The following ADGRV1 variants were observed in gnomAD, a reference collection of about 807,000 sequenced individuals.
The protein encoded by ADGRV1 is G-protein coupled receptor 98.
ADGRV1 carries 359 observed loss-of-function variants against 596.2 expected under a neutral mutation model. The observed-to-expected ratio is 0.60, with a 90% confidence interval of 0.55 to 0.66. The LOEUF (loss-of-function observed/expected upper bound fraction) is 0.66. Ranked by LOEUF, ADGRV1 falls within the 30% of genes least tolerant of loss-of-function variation. The pLI, the probability that ADGRV1 is intolerant of heterozygous loss-of-function variation, is 0.00. For missense variants in ADGRV1, 7,274 were observed against 7,575.6 expected (o/e 0.96, Z 1.48); for synonymous variants, 2,681 against 2,679.2 (o/e 1.00, Z -0.02).
chr5:90,822,462 G>A (rs978248884), intron 75 of ADGRV1, among the ~76,000 whole-genome samples: 1 of 152,052 alleles, frequency 6.6e-6, no homozygotes, highest in Non-Finnish European at 1.5e-5. Context: ...TATTTCTGAG[G>A]GCTCTGTTCT....
rs1765993156 is a variant in ADGRV1 at position 90,635,042 on chromosome 5, T to C, written c.1840-72T>C. 4.3e-6 allele frequency: 4 copies of C among 920,254 alleles called. 1 individual carries two copies. The East Asian group carries it at 1.1e-4, about 24-fold the overall frequency. 57.0% of individuals were successfully genotyped at this position (920,254 alleles called of 1,614,324 possible). On this transcript the variant is annotated intron_variant, in intron 9 of 89. Coordinates refer to ENST00000405460, the MANE Select transcript of ADGRV1 (RefSeq NM_032119.4). ...TACCTACGCTTACTTTGTCACCCCATGCTGTTAAGCTTTTTTAAAAAATTT... is the reference window on the plus strand; with the variant it reads ...TACCTACGCTTACTTTGTCACCCCACGCTGTTAAGCTTTTTTAAAAAATTT...
At chr5:90,950,261 G>A (rs1471850695) in intron 83 of ADGRV1, among the ~76,000 whole-genome samples, 2 of 152,114 alleles carry the variant, frequency 1.3e-5, no homozygotes, top group Admixed American at 1.3e-4. Context: ...CTGTGGAGAG[G>A]AAGTATTCCA....
intron 87 of ADGRV1, among the ~76,000 whole-genome samples, chr5:91,123,165 G>GGTT (rs1386834215): frequency 1.3e-5 from 2 of 151,564 alleles, no homozygotes; most frequent in African/African-American, 4.8e-5. Context: ...TATCTCACAG[G>GGTT]GTTGTTGGGA....
chr5:91,012,024 A>G (rs1053544237), intron 85 of ADGRV1, among the ~76,000 whole-genome samples: 4 of 151,974 alleles, frequency 2.6e-5, no homozygotes, highest in African/African-American at 9.7e-5. Context: ...CTCACATTTA[A>G]CCTTTCCTTT....
chr5:90,917,341 C>G (rs999762263), intron 83 of ADGRV1, among the ~76,000 whole-genome samples: 4 of 150,584 alleles, frequency 2.7e-5, no homozygotes, highest in African/African-American at 1.0e-4. Context: ...AGTGATGTGC[C>G]TACAACTAGA....
intron 64 of ADGRV1, among the ~76,000 whole-genome samples, chr5:90,780,259 T>C (rs1445715609): frequency 1.3e-5 from 2 of 152,112 alleles, no homozygotes; most frequent in Admixed American, 6.6e-5. Flanking sequence ...AATTTCTAGG[T>C]TTTCTTTGAT....
In ADGRV1 at chr5:90,729,761, A is replaced by C. The variant is rs1460409214; in HGVS notation, c.10546A>C (p.Ile3516Leu). The change falls in exon 50 of 90, where the codon ATA (isoleucine) becomes CTA (leucine). Residue 3516 changes from isoleucine (I) to leucine (L), a missense_variant. By Grantham distance (5) the Ile-to-Leu change is conservative (BLOSUM62 2). Transcript: ENST00000405460. ...CCACTCCTTCACACCAGCCTCAGGA[A>C]TAGGTAAGGACTTTTCAACTGCTCA... is the stretch of plus-strand genomic sequence containing the variant. Reference protein sequence around the residue: ...RIHSFTPASGIAHILLIGQDM... With the variant: ...RIHSFTPASGLAHILLIGQDM... 6.2e-7 allele frequency: 1 copy of C among 1,613,290 alleles called. No homozygotes were observed. Among genetic ancestry groups the C allele is most frequent in the Non-Finnish European group, 8.5e-7 (1 of 1,179,566 alleles).
Position 90,653,574 on chromosome 5 carries a change from G to A in ADGRV1, c.4000G>A (p.Glu1334Lys). ...GGATGCTTTGTACTTTACCGGACTA[G>A]AGGGTGCATTTGGGACTGTTAATCC... ...GTDALYFTGL[E>K]GAFGTVNPKY... The change falls in exon 20 of 90, where the codon GAG (glutamate) becomes AAG (lysine). Residue 1334 changes from glutamate (E) to lysine (K), a missense_variant. Physicochemically the swap from Glu to Lys is moderately conservative, Grantham distance 56. Around this residue, in one of 5 missense-constraint regions of ADGRV1, gnomAD observed 1,715 missense variants for 1,708.8 expected, o/e 1.00. Transcript: ENST00000405460. 1 of 1,613,902 alleles carries A rather than the reference G, an allele frequency of 6.2e-7. No homozygotes were observed. The highest frequency in any genetic ancestry group is 8.5e-7 in the Non-Finnish European group (1 of 1,179,858).
chr5:90,913,941 A>G (rs1448812440), intron 83 of ADGRV1, among the ~76,000 whole-genome samples: 1 of 152,172 alleles, frequency 6.6e-6, no homozygotes, highest in Non-Finnish European at 1.5e-5. Context: ...TTTTTTCACC[A>G]TGATATGAAT....
At chr5:90,786,828 C>T (rs1339014392) in intron 67 of ADGRV1, among the ~76,000 whole-genome samples, 1 of 152,154 alleles carries the variant, frequency 6.6e-6, no homozygotes, top group Non-Finnish European at 1.5e-5. Context: ...TGGGCGTGTT[C>T]TTCTGAGATA....
At chr5:91,014,135 GCC>G (rs1491389874) in intron 85 of ADGRV1, among the ~76,000 whole-genome samples, 18 of 23,574 alleles carry the variant, frequency 7.6e-4, no homozygotes, top group African/African-American at 2.2e-3. Context: ...ATTCACAATT[GCC>G]ACACACACAC....
In ADGRV1 at chr5:91,164,323, A is replaced by G. The variant is rs992958060; in HGVS notation, c.*423A>G. ...AAGCACCCTGTGCCATCTTGCATGA[A>G]TCCAGGTGATCCAGATTCAAGACTT... On this transcript the variant is annotated 3_prime_UTR_variant, in exon 90 of 90. Transcript: ENST00000405460. The G allele has an allele frequency of 1.2e-5, 3 of 256,398 alleles. No homozygotes were observed. The highest frequency in any genetic ancestry group is 6.7e-5 in the African/African-American group (3 of 44,642). The allele number at this position is 256,398 out of a possible 1,614,324, so 15.9% of individuals were successfully genotyped here.
chr5:90,656,211 G>A (rs1365434912), intron 20 of ADGRV1, among the ~76,000 whole-genome samples: 1 of 152,156 alleles, frequency 6.6e-6, no homozygotes, highest in Non-Finnish European at 1.5e-5. Flanking sequence ...CCTCAAATAT[G>A]TATAATGTTT....
At chr5:90,621,516 C>T (rs1276494757) in intron 4 of ADGRV1, among the ~76,000 whole-genome samples, 1 of 152,084 alleles carries the variant, frequency 6.6e-6, no homozygotes, top group Non-Finnish European at 1.5e-5. Flanking sequence ...AAGCAGGCTC[C>T]CTTAATTGCT....
chr5:91,144,364 G>A (rs1471478086), intron 87 of ADGRV1, among the ~76,000 whole-genome samples: 2 of 152,220 alleles, frequency 1.3e-5, no homozygotes, highest in African/African-American at 4.8e-5. Context: ...GCAGTGCAGT[G>A]ATGCAAACAT....
chr5:91,014,804 C>T lies in ADGRV1; in HGVS notation c.18152+29282C>T, dbSNP rs28768190. On this transcript the variant is annotated intron_variant, in intron 85 of 89. Coordinates refer to ENST00000405460, the MANE Select transcript of ADGRV1 (RefSeq NM_032119.4). ...TTTTCTTCTTTATTAATCTAACTAG[C>T]GGCCTATATATCTTATTAATTTTTT... 5.5e-4 allele frequency among the ~76,000 whole-genome samples: 83 copies of T among 151,576 alleles called. 1 individual carries two copies. Among genetic ancestry groups the T allele is most frequent in the African/African-American group, 1.8e-3 (75 of 41,336 alleles).
At chr5:90,587,215 TGTGAC>T (rs1758867740) in intron 1 of ADGRV1, among the ~76,000 whole-genome samples, 1 of 152,202 alleles carries the variant, frequency 6.6e-6, no homozygotes, top group Non-Finnish European at 1.5e-5. Flanking sequence ...ATGTTTCTCT[TGTGAC>T]GTGACCCCAT....
chr5:91,076,382 T>A (rs571469538), intron 86 of ADGRV1, among the ~76,000 whole-genome samples: 2 of 152,274 alleles, frequency 1.3e-5, no homozygotes, highest in East Asian at 3.9e-4. Flanking sequence ...GGTTGGTGGA[T>A]TTCCTTAATA....
intron 78 of ADGRV1, among the ~76,000 whole-genome samples, chr5:90,843,248 C>T (rs901088350): frequency 2.0e-5 from 3 of 152,094 alleles, no homozygotes; most frequent in Non-Finnish European, 4.4e-5. Flanking sequence ...GGACCTTGCC[C>T]TAGCAGATAT....
Sources: gnomAD v4.1 joint callset for allele counts (sites outside exome capture counted in the v4.1 genomes callset) on GRCh38, gnomAD v4.1.1 for gene constraint, gnomAD v4.1.1 regional missense constraint, MANE v1.5 for transcripts, NCBI Gene and HGNC (gene_info 2026-07-23, HGNC 2026-07-21) for gene names.